The following PDE7B variants were observed in gnomAD, a reference collection of about 807,000 sequenced individuals.
PDE7B encodes the protein phosphodiesterase 7B, also known as 3',5'-cyclic-AMP phosphodiesterase 7B.
Under a neutral mutation model 56.2 loss-of-function variants are expected in PDE7B, and 29 were observed. The ratio of observed to expected loss-of-function variants is 0.52; its 90% CI spans 0.38 to 0.70. The LOEUF (loss-of-function observed/expected upper bound fraction) is 0.70, where lower values mean the gene tolerates loss of function less well. Ranked by LOEUF, PDE7B falls within the 30% of genes least tolerant of loss-of-function variation. PDE7B has a pLI of 0.00. For missense variants in PDE7B, 490 were observed against 565.0 expected (o/e 0.87, Z 1.35); for synonymous variants, 197 against 196.9 (o/e 1.00, Z 0.00).
Position 136,155,653 on chromosome 6 carries a change from C to G in PDE7B, c.606C>G (p.Asp202Glu), listed in dbSNP as rs1336542578. ...PKLASFLTPL[D>E]IMLGLLAAAA... Reference sequence around the variant, plus strand: ...TTGCCAGCTTCCTCACGCCTCTGGACATCATGCTTGGACTGCTGGCTGCAG... The same window carrying G: ...TTGCCAGCTTCCTCACGCCTCTGGAGATCATGCTTGGACTGCTGGCTGCAG... Residue 202 changes from aspartate to glutamate, a missense_variant, in exon 8 of 13, where the codon GAC becomes GAG. Transcript: ENST00000308191. 2 of 1,613,430 alleles carry G rather than the reference C, an allele frequency of 1.2e-6. No individual in the cohort carries two copies. Among genetic ancestry groups the G allele is most frequent in the Non-Finnish European group, 1.7e-6 (2 of 1,179,630 alleles).
intron 1 of PDE7B, among the ~76,000 whole-genome samples, chr6:135,927,726 T>C (rs147549069): frequency 1.5e-4 from 23 of 152,286 alleles, no homozygotes; most frequent in Middle Eastern, 3.4e-3. Context: ...TACATTGGCC[T>C]CAGCAAAGAA....
chr6:136,024,122 AT>A (rs1283905625), intron 2 of PDE7B, among the ~76,000 whole-genome samples: 1 of 152,196 alleles, frequency 6.6e-6, no homozygotes, highest in Non-Finnish European at 1.5e-5. Flanking sequence ...GTTTCTAGAG[AT>A]TTAGGGAGAA....
At chr6:136,115,050 C>T (rs899925111) in intron 3 of PDE7B, 5 of 152,152 alleles carry the variant, frequency 3.3e-5, no homozygotes, top group African/African-American at 1.2e-4. Context: ...GACGGAGCAC[C>T]TCCTATGGTA....
chr6:135,920,741 C>T (rs1188089922), intron 1 of PDE7B, among the ~76,000 whole-genome samples: 1 of 152,172 alleles, frequency 6.6e-6, no homozygotes, highest in Non-Finnish European at 1.5e-5. Flanking sequence ...AGGTTCCTTT[C>T]CACGTCTTTT....
intron 8 of PDE7B, among the ~76,000 whole-genome samples, chr6:136,173,092 A>G (rs1214844273): frequency 6.6e-6 from 1 of 152,202 alleles, no homozygotes; most frequent in Non-Finnish European, 1.5e-5. Context: ...GGTAATTTAT[A>G]GATTCAATGC....
At chr6:135,887,899 C>A (rs1775737557) in intron 1 of PDE7B, among the ~76,000 whole-genome samples, 1 of 152,042 alleles carries the variant, frequency 6.6e-6, no homozygotes, top group Admixed American at 6.6e-5. Context: ...GTTTAGATTC[C>A]CCTGTAATCC....
rs374637687 is a variant in PDE7B, at chr6:136,113,990, C to CT, written c.166+5177dup. Among the ~76,000 whole-genome samples, 201 of 152,292 alleles carry CT rather than the reference C, an allele frequency of 1.3e-3. 1 individual carries two copies. Among genetic ancestry groups the CT allele is most frequent in the African/African-American group, 4.7e-3 (196 of 41,568 alleles). On this transcript the variant is annotated intron_variant, in intron 3 of 12. Coordinates refer to ENST00000308191, the MANE Select transcript of PDE7B (RefSeq NM_018945.4). ...CATACAAAGAAAACGTGCTCAGGGA[C>CT]TGTGGAGCTTGAGGAAAAGAAACAG...
intron 2 of PDE7B, among the ~76,000 whole-genome samples, chr6:136,083,715 A>G (rs914144218): frequency 2.0e-5 from 3 of 152,282 alleles, no homozygotes; most frequent in Middle Eastern, 3.4e-3. Context: ...TAAAGAAACC[A>G]GATGCTTTGG....
intron 2 of PDE7B, among the ~76,000 whole-genome samples, chr6:135,980,876 C>A (rs372830811): frequency 1.4e-5 from 2 of 142,272 alleles, no homozygotes; most frequent in African/African-American, 5.3e-5. Context: ...GTCAGTGTGG[C>A]GATTCCTCAG....
chr6:136,085,776 T>C (rs543506697), intron 2 of PDE7B, among the ~76,000 whole-genome samples: 1 of 152,342 alleles, frequency 6.6e-6, no homozygotes, highest in African/African-American at 2.4e-5. Flanking sequence ...CGGGAAGTTA[T>C]TGCCCCCACA....
intron 3 of PDE7B, among the ~76,000 whole-genome samples, chr6:136,109,420 C>T (rs1366348224): frequency 6.6e-6 from 1 of 152,200 alleles, no homozygotes; most frequent in Non-Finnish European, 1.5e-5. Context: ...TTCTCTCTAC[C>T]TTCAGCCAGA....
At chr6:136,189,273 G>A (rs922724973) in intron 12 of PDE7B, among the ~76,000 whole-genome samples, 5 of 152,104 alleles carry the variant, frequency 3.3e-5, no homozygotes, top group South Asian at 2.1e-4. Context: ...ATTTTAAAAG[G>A]AAGATATTAG....
At chr6:136,063,172 T>C (rs1289966843) in intron 2 of PDE7B, among the ~76,000 whole-genome samples, 2 of 152,148 alleles carry the variant, frequency 1.3e-5, no homozygotes, top group East Asian at 3.9e-4. Flanking sequence ...TGAATCTGAG[T>C]CTCAAGTAAA....
chr6:136,012,603 G>A (rs1240104427), intron 2 of PDE7B: 1 of 152,228 alleles, frequency 6.6e-6, no homozygotes, highest in Non-Finnish European at 1.5e-5. Flanking sequence ...AGGAGAAAGA[G>A]TGAGCAGGGG....
chr6:135,863,160 TAGA>T (rs1197858217), intron 1 of PDE7B, among the ~76,000 whole-genome samples: 3 of 152,008 alleles, frequency 2.0e-5, no homozygotes, highest in Middle Eastern at 3.2e-3. Flanking sequence ...AGATGTCAAT[TAGA>T]AGATTTATTC....
chr6:135,935,123 G>C (rs1422143057), intron 1 of PDE7B, among the ~76,000 whole-genome samples: 12 of 95,030 alleles, frequency 1.3e-4, no homozygotes, highest in African/African-American at 5.3e-4. Context: ...TATATAGAGA[G>C]AGATGAAGTA....
intron 1 of PDE7B, among the ~76,000 whole-genome samples, chr6:135,945,363 T>G (rs573599529): frequency 1.3e-5 from 2 of 152,282 alleles, no homozygotes; most frequent in East Asian, 3.9e-4. Flanking sequence ...GGATCTCCAT[T>G]GAGAACTCAA....
chr6:136,168,680 G>A (rs191376998), intron 8 of PDE7B, among the ~76,000 whole-genome samples: 1 of 152,182 alleles, frequency 6.6e-6, no homozygotes, highest in Admixed American at 6.5e-5. Context: ...ACACTATGTA[G>A]GAAAAACCAA....
At chr6:136,178,972 TTC>T (rs1779021468) in intron 9 of PDE7B, 23 bp from the exon 10 acceptor site, 4 of 1,613,510 alleles carry the variant, frequency 2.5e-6, no homozygotes, top group South Asian at 1.1e-5. Context: ...GTGTGTGTTT[TTC>T]TCTTTCATTC....
Sources: gnomAD v4.1 joint callset for allele counts (sites outside exome capture counted in the v4.1 genomes callset) on GRCh38, gnomAD v4.1.1 for gene constraint, MANE v1.5 for transcripts, NCBI Gene and HGNC (gene_info 2026-07-23, HGNC 2026-07-21) for gene names.